MYLIP: variants seen among roughly 807,000 people sequenced by gnomAD.
MYLIP encodes myosin regulatory light chain interacting protein.
In MYLIP, 26 loss-of-function variants were observed where a neutral mutation model predicts 45.8. The ratio of observed to expected loss-of-function variants is 0.57; its 90% CI spans 0.42 to 0.79. The LOEUF is 0.79. MYLIP is among the 30% of genes least tolerant of loss of function. The pLI is 0.00. For synonymous variants in MYLIP, 213 were observed against 218.1 expected, an observed-to-expected ratio of 0.98 and a Z score of 0.21; for missense variants, 494 against 555.6, an observed-to-expected ratio of 0.89 and a Z score of 1.11.
chr6:16,156,289 T>C, the MYLIP span, among the ~76,000 whole-genome samples: 1 of 152,166 alleles, frequency 6.6e-6, no homozygotes, highest in Non-Finnish European at 1.5e-5. Context: ...GGCTTGAGGG[T>C]GGAGCCCTCA....
chr6:16,151,369 A>AAAAAAG (rs1247757828), downstream of MYLIP, among the ~76,000 whole-genome samples: 1 of 149,490 alleles, frequency 6.7e-6, no homozygotes, highest in Non-Finnish European at 1.5e-5. Context: ...AAAAAAAAAG[A>AAAAAAG]AAAAAGAAAA....
chr6:16,129,453 G>C lies in MYLIP; in HGVS notation c.87+44G>C. 2 of 1,538,536 alleles carry C rather than the reference G, an allele frequency of 1.3e-6. No individual in the cohort carries two copies. Among genetic ancestry groups the C allele is most frequent in the Non-Finnish European group, 8.8e-7 (1 of 1,137,316 alleles). ...AAGGGGCCCCGGCGGGTCCCGCGAG[G>C]CCGAGGGGCCTCGCAGCGACGCCTG... On this transcript the variant is annotated intron_variant, in intron 1 of 6. Coordinates refer to ENST00000356840, the MANE Select transcript of MYLIP (RefSeq NM_013262.4). The surrounding 1 kb of genome is among the most constrained non-coding windows in gnomAD (Gnocchi z 5.1).
At chr6:16,160,222 C>G in the MYLIP span, among the ~76,000 whole-genome samples, 1 of 152,166 alleles carries the variant, frequency 6.6e-6, no homozygotes, top group East Asian at 1.9e-4. Flanking sequence ...TGTCAAAACC[C>G]TAGAGCCATA....
At chr6:16,154,298 T>C in the MYLIP span, among the ~76,000 whole-genome samples, 5 of 152,152 alleles carry the variant, frequency 3.3e-5, no homozygotes, top group African/African-American at 1.2e-4. Context: ...CCCTCTCCCC[T>C]CTGGTATTTA....
chr6:16,157,674 G>T, the MYLIP span, among the ~76,000 whole-genome samples: 1 of 152,214 alleles, frequency 6.6e-6, no homozygotes, highest in Non-Finnish European at 1.5e-5. Context: ...CGGCCACCTG[G>T]GTTTGGCTAT....
intron 4 of MYLIP, 56 bp downstream of exon 4, chr6:16,143,273 C>T (rs1759713821): frequency 6.6e-7 from 1 of 1,524,424 alleles, no homozygotes; most frequent in Non-Finnish European, 9.1e-7. Flanking sequence ...CTGTAGCTGT[C>T]AATGTAATAG....
rs779494164 is a variant in MYLIP at position 16,143,078 on chromosome 6, G to C, written c.523G>C (p.Val175Leu). ...GTSQASAEYQ[V>L]LQIVSAMENY... ...CAGCCAGGCTTCAGCTGAATACCAA[G>C]TTTTGCAGATTGTGTCGGCAATGGA... Residue 175 changes from valine to leucine, a missense_variant, in exon 4 of 7, where the codon GTT (valine) becomes CTT (leucine). Coordinates refer to ENST00000356840, the MANE Select transcript of MYLIP (RefSeq NM_013262.4). The C allele has an allele frequency of 3.7e-6, 6 of 1,614,082 alleles. No individual in the cohort carries two copies. The African/African-American group carries it at 8.0e-5, about 22-fold the overall frequency.
chr6:16,145,054 G>T lies in MYLIP; in HGVS notation c.985G>T (p.Ala329Ser). 1 of 1,614,200 alleles carries T rather than the reference G, an allele frequency of 6.2e-7. No individual in the cohort carries two copies. The highest frequency in any genetic ancestry group is 8.5e-7 in the Non-Finnish European group (1 of 1,180,030). Residue 329 changes from alanine to serine, a missense_variant, in exon 6 of 7, where the codon GCT becomes TCT. Ala to Ser is a moderately conservative substitution (Grantham distance 99). Coordinates refer to ENST00000356840, the MANE Select transcript of MYLIP (RefSeq NM_013262.4). ...SKEVYDHARR[A>S]LYNAGVVDLV... ...GGAGGTGTATGACCATGCCAGGAGG[G>T]CTCTGTACAATGCTGGCGTTGTGGA...
chr6:16,144,760 A>C (rs1190283015), intron 5 of MYLIP, 137 bp from the exon 6 acceptor site: 1 of 942,872 alleles, frequency 1.1e-6, no homozygotes, highest in African/African-American at 1.7e-5. Context: ...CAGACGTAAA[A>C]CTGGAAGGAC....
chr6:16,129,563 G>A lies in MYLIP; in HGVS notation c.87+154G>A, dbSNP rs1759412057. 1.3e-5 allele frequency among the ~76,000 whole-genome samples: 2 copies of A among 152,130 alleles called. No individual in the cohort carries two copies. Among genetic ancestry groups the A allele is most frequent in the Non-Finnish European group, 2.9e-5 (2 of 68,000 alleles). On this transcript the variant is annotated intron_variant, in intron 1 of 6. Transcript: ENST00000356840. This position sits in a 1 kb window ranked among gnomAD's most constrained non-coding sequence, Gnocchi z 5.1. ...CGCGTCCCCTCCTCTCCACGGGCGT[G>A]GGGCGCGCGGTCTCCTCCTGGCGCG...
rs572765675 is a variant in MYLIP, at chr6:16,141,828, A to T, written c.464+18A>T. 3 of 1,589,288 alleles carry T rather than the reference A, an allele frequency of 1.9e-6. No individual in the cohort carries two copies. In the South Asian group the frequency reaches 3.4e-5, roughly 18 times the overall value. On this transcript the variant is annotated intron_variant, in intron 3 of 6. Coordinates refer to ENST00000356840, the MANE Select transcript of MYLIP (RefSeq NM_013262.4). ...TTGAACAGGTGAGGCTGTTGAATAT[A>T]GTATTGTTTACAACTAGAATAGGCT...
At chr6:16,133,092 G>C (rs1759489282) in intron 2 of MYLIP, among the ~76,000 whole-genome samples, 1 of 152,172 alleles carries the variant, frequency 6.6e-6, no homozygotes, top group African/African-American at 2.4e-5. Context: ...TTGTGAGAAT[G>C]ATGGGCAGGA....
intron 2 of MYLIP, among the ~76,000 whole-genome samples, chr6:16,132,385 T>C (rs1759475237): frequency 6.6e-6 from 1 of 152,342 alleles, no homozygotes; most frequent in East Asian, 1.9e-4. Flanking sequence ...TGAATCAAAT[T>C]TCCTGTCTTG....
the MYLIP span, among the ~76,000 whole-genome samples, chr6:16,157,206 G>A: frequency 5.7e-3 from 875 of 152,298 alleles, 21 homozygotes; most frequent in Non-Finnish European, 7.0e-3. Flanking sequence ...TCCCTTCACA[G>A]CAGCAATATT....
At chr6:16,141,148 T>A (rs1476387305) in intron 2 of MYLIP, among the ~76,000 whole-genome samples, 2 of 152,116 alleles carry the variant, frequency 1.3e-5, no homozygotes, top group Non-Finnish European at 2.9e-5. Context: ...TGGTGAAGCC[T>A]ATAGGAGATT....
Position 16,129,557 on chromosome 6 carries a change from G to T in MYLIP, c.87+148G>T. The T allele has an allele frequency of 1.0e-5, 7 of 697,080 alleles. No individual in the cohort carries two copies. The highest frequency in any genetic ancestry group is 1.3e-5 in the Non-Finnish European group (6 of 452,036). 43.2% of individuals were successfully genotyped at this position (697,080 alleles called of 1,614,324 possible). On this transcript the variant is annotated intron_variant, in intron 1 of 6. Coordinates refer to ENST00000356840, the MANE Select transcript of MYLIP (RefSeq NM_013262.4). The surrounding 1 kb of genome is among the most constrained non-coding windows in gnomAD (Gnocchi z 5.1). ...GGGGAGCGCGTCCCCTCCTCTCCAC[G>T]GGCGTGGGGCGCGCGGTCTCCTCCT...
At chr6:16,138,110 T>C (rs889508743) in intron 2 of MYLIP, among the ~76,000 whole-genome samples, 2 of 152,224 alleles carry the variant, frequency 1.3e-5, no homozygotes, top group African/African-American at 4.8e-5. Context: ...TTTATGCTCA[T>C]AGGATGTATT....
rs1164175554 is a variant in MYLIP at position 16,145,186 on chromosome 6, G to C, written c.1117G>C (p.Val373Leu). Residue 373 changes from valine to leucine, a missense_variant, in exon 6 of 7, where the codon GTG becomes CTG. Transcript: ENST00000356840. ...CEGLSCQQTR[V>L]LQEKLRKLKE... ...GGGCCTCAGCTGCCAGCAGACCCGG[G>C]TGCTGCAGGAGAAGCTACGCAAGCT... is the stretch of plus-strand genomic sequence containing the variant. 2 of 1,614,080 alleles carry C rather than the reference G, an allele frequency of 1.2e-6. No homozygotes were observed. The highest frequency in any genetic ancestry group is 2.7e-5 in the African/African-American group (2 of 74,934).
chr6:16,156,754 TC>T, the MYLIP span, among the ~76,000 whole-genome samples: 1 of 152,232 alleles, frequency 6.6e-6, no homozygotes, highest in Admixed American at 6.5e-5. Context: ...TAGCTTGTTA[TC>T]TTGAATAATC....
Sources: allele counts gnomAD v4.1 joint callset (sites outside exome capture counted in the v4.1 genomes callset), GRCh38; gene constraint gnomAD v4.1.1; non-coding constraint Gnocchi (gnomAD v3.1); transcripts MANE v1.5; gene names NCBI Gene and HGNC (gene_info 2026-07-23, HGNC 2026-07-21).